Variants in VDR observed in about 807,000 individuals in gnomAD.
The protein encoded by VDR is vitamin D receptor, also known as vitamin D3 receptor.
VDR carries 19 observed loss-of-function variants against 39.7 expected under a neutral mutation model. That is an observed-to-expected ratio of 0.48 (90% CI 0.33 to 0.70). The LOEUF is 0.70. Ranked by LOEUF, VDR falls within the 30% of genes least tolerant of loss-of-function variation. The pLI, the probability that VDR is intolerant of heterozygous loss-of-function variation, is 0.02. For synonymous variants in VDR, 242 were observed against 215.8 expected, an observed-to-expected ratio of 1.12 and a Z score of -1.07; for missense variants, 442 against 570.5, an observed-to-expected ratio of 0.77 and a Z score of 2.29.
At chr12:47,873,538 T>C (rs938486947) in intron 3 of VDR, among the ~76,000 whole-genome samples, 3 of 150,820 alleles carry the variant, frequency 2.0e-5, no homozygotes, top group African/African-American at 7.3e-5. Flanking sequence ...ATTTTTTGTA[T>C]TTTTAGTAGA....
At chr12:47,894,936 G>A (rs995638533) in intron 1 of VDR, among the ~76,000 whole-genome samples, 3 of 152,336 alleles carry the variant, frequency 2.0e-5, no homozygotes, top group Admixed American at 6.5e-5. Context: ...GAAGGCCCGC[G>A]GGAGCCAGGA....
intron 1 of VDR, among the ~76,000 whole-genome samples, chr12:47,890,376 T>A (rs11168285): frequency 7.5e-6 from 1 of 133,054 alleles, no homozygotes; most frequent in African/African-American, 3.8e-5. Flanking sequence ...TAATATATAT[T>A]TTATATATAT....
At chr12:47,861,075 T>A (rs1173915898) in intron 4 of VDR, among the ~76,000 whole-genome samples, 1 of 152,216 alleles carries the variant, frequency 6.6e-6, no homozygotes, top group Non-Finnish European at 1.5e-5. Context: ...CAGCTAACAG[T>A]GGTGAAACCA....
intron 7 of VDR, among the ~76,000 whole-genome samples, chr12:47,849,328 C>A (rs1048722686): frequency 6.6e-6 from 1 of 152,206 alleles, no homozygotes. Flanking sequence ...GTTGGAGGGC[C>A]CCTCTTAGGA....
At chr12:47,894,674 C>A (rs1375206168) in intron 1 of VDR, among the ~76,000 whole-genome samples, 1 of 152,198 alleles carries the variant, frequency 6.6e-6, no homozygotes. Context: ...AATAATTCCC[C>A]CAGTGAGTTA....
At chr12:47,896,456 G>C (rs569832977) in intron 1 of VDR, among the ~76,000 whole-genome samples, 1 of 152,090 alleles carries the variant, frequency 6.6e-6, no homozygotes, top group Non-Finnish European at 1.5e-5. Flanking sequence ...CTCGGGGCTC[G>C]GAGTAGAGTG....
chr12:47,865,927 G>C (rs1945724726), intron 3 of VDR, among the ~76,000 whole-genome samples: 1 of 150,730 alleles, frequency 6.6e-6, no homozygotes, highest in Admixed American at 6.6e-5. Context: ...GTGTTAGCCA[G>C]GATGGTCTCG....
At chr12:47,857,336 G>A in intron 5 of VDR, 87 bp from the exon 6 acceptor site, 1 of 1,610,986 alleles carries the variant, frequency 6.2e-7, no homozygotes, top group Admixed American at 1.7e-5. Flanking sequence ...TGGCTTTGAG[G>A]AAGGTCTACA....
Position 47,865,114 on chromosome 12 carries a change from C to T in VDR, c.210G>A (p.Lys70=). The T allele has an allele frequency of 6.2e-7, 1 of 1,613,966 alleles. No homozygotes were observed. Among genetic ancestry groups the T allele is most frequent in the African/African-American group, 1.3e-5 (1 of 75,064 alleles). The change falls in exon 4 of 10, where the codon AAG becomes AAA. Residue 70 remains lysine, a synonymous_variant. Coordinates refer to ENST00000549336, the MANE Select transcript of VDR (RefSeq NM_000376.3). ...CPFNGDCRIT[K]DNRRHCQACR... Reference sequence around the variant, plus strand: ...AGGCCTGGCAGTGGCGTCGGTTGTCCTTGGTGATGCGGCAGTCCCCGTTGA... The same window carrying T: ...AGGCCTGGCAGTGGCGTCGGTTGTCTTTGGTGATGCGGCAGTCCCCGTTGA...
chr12:47,869,102 A>G (rs1372845059), intron 3 of VDR, among the ~76,000 whole-genome samples: 2 of 152,242 alleles, frequency 1.3e-5, no homozygotes, highest in Non-Finnish European at 2.9e-5. Context: ...GCCTGAAAAG[A>G]GATTCCACTG....
intron 3 of VDR, among the ~76,000 whole-genome samples, chr12:47,865,801 C>A (rs1437961162): frequency 2.7e-5 from 4 of 150,868 alleles, no homozygotes; most frequent in Admixed American, 6.6e-5. Flanking sequence ...CAAGCTCCAC[C>A]TCCCGGGTTC....
rs907183197 is a variant in VDR, at chr12:47,850,504, A to C, written c.756-3696T>G. Among the ~76,000 whole-genome samples, 8 of 150,976 alleles carry C rather than the reference A, an allele frequency of 5.3e-5. No individual in the cohort carries two copies. The South Asian group carries it at 6.6e-4, about 12-fold the overall frequency. ...CATCTTCCATGGATGCAGGCCAGAGAGGTTTTAGTGGGATCACTGCTTTTG... is the reference window on the plus strand; with the variant it reads ...CATCTTCCATGGATGCAGGCCAGAGCGGTTTTAGTGGGATCACTGCTTTTG... On this transcript the variant is annotated intron_variant, in intron 7 of 9. Transcript: ENST00000549336.
intron 1 of VDR, among the ~76,000 whole-genome samples, chr12:47,888,127 G>A (rs973790746): frequency 6.6e-6 from 1 of 152,094 alleles, no homozygotes; most frequent in Admixed American, 6.5e-5. Flanking sequence ...CAGTGGCAAC[G>A]GAAAAATACG....
At chr12:47,877,928 C>T (rs1430319802) in intron 3 of VDR, among the ~76,000 whole-genome samples, 2 of 152,234 alleles carry the variant, frequency 1.3e-5, no homozygotes, top group Admixed American at 1.3e-4. Flanking sequence ...AACTCTGGGC[C>T]TGCTGATTCC....
rs1172083330 is a variant in VDR at position 47,842,559 on chromosome 12, T to A, written c.*2187A>T. 6.6e-6 allele frequency: 1 copy of A among 151,822 alleles called. No homozygotes were observed. The highest frequency in any genetic ancestry group is 1.5e-5 in the Non-Finnish European group (1 of 68,044). 9.4% of individuals were successfully genotyped at this position (151,822 alleles called of 1,614,324 possible). A position where few individuals can be genotyped will look rare whatever the true frequency, so the allele number is the denominator to read the frequency against. Reference sequence around the variant, plus strand: ...TCACTGCAACCTCCACCTCCTGGGTTCAATTCTTCTGCCTCAGCCTCCTGA... The same window carrying A: ...TCACTGCAACCTCCACCTCCTGGGTACAATTCTTCTGCCTCAGCCTCCTGA... On this transcript the variant is annotated 3_prime_UTR_variant, in exon 10 of 10. Transcript: ENST00000549336.
chr12:47,904,876 T>C (rs1946641794), intron 1 of VDR, 79 bp downstream of exon 1: 5 of 331,180 alleles, frequency 1.5e-5, no homozygotes, highest in South Asian at 5.9e-5. Context: ...AGCCGGGCGC[T>C]CAGGCCCCGG....
intron 1 of VDR, among the ~76,000 whole-genome samples, chr12:47,894,959 C>G (rs889438603): frequency 2.8e-4 from 42 of 152,220 alleles, no homozygotes; most frequent in Non-Finnish European, 4.7e-4. Flanking sequence ...TTCCATCCTC[C>G]GTGGCTACAA....
chr12:47,856,814 C>T lies in VDR; in HGVS notation c.583+315G>A, dbSNP rs191508649. Among the ~76,000 whole-genome samples the T allele has an allele frequency of 2.2e-3, 331 of 152,134 alleles. 4 individuals are homozygous for T. Among genetic ancestry groups the T allele is most frequent in the African/African-American group, 7.2e-3 (300 of 41,484 alleles). ...TGAAGGGCCCAGGATTAAAATATCA[C>T]GTAAAGGAAGCAGGTCACCTCCACG... On this transcript the variant is annotated intron_variant, in intron 6 of 9. Transcript: ENST00000549336.
intron 3 of VDR, among the ~76,000 whole-genome samples, chr12:47,869,663 G>T (rs1013796276): frequency 3.3e-5 from 5 of 152,214 alleles, no homozygotes; most frequent in African/African-American, 1.2e-4. Context: ...GGGAGGCTGA[G>T]GTGGGCAGAT....
Sources: gnomAD v4.1 joint callset for allele counts (sites outside exome capture counted in the v4.1 genomes callset) on GRCh38, gnomAD v4.1.1 for gene constraint, MANE v1.5 for transcripts, NCBI Gene and HGNC (gene_info 2026-07-23, HGNC 2026-07-21) for gene names.